DCAF17: variants seen among roughly 807,000 people sequenced by gnomAD.
The protein encoded by DCAF17 is DDB1 and CUL4 associated factor 17.
A neutral mutation model predicts 66.0 loss-of-function variants in DCAF17; 48 were observed. The ratio of observed to expected loss-of-function variants is 0.73; its 90% CI spans 0.58 to 0.92. DCAF17 has a LOEUF of 0.92. Ranked by LOEUF, DCAF17 falls within the 40% of genes least tolerant of loss-of-function variation. The probability of loss-of-function intolerance (pLI) is 0.00; values close to 1 mark genes in which losing one functional copy is unlikely to be tolerated. For synonymous variants in DCAF17, 206 were observed against 214.6 expected (o/e 0.96, Z 0.35); for missense variants, 562 against 622.8 (o/e 0.90, Z 1.04).
At chr2:171,448,916 C>A in intron 4 of DCAF17, 99 bp downstream of exon 4, 1 of 1,076,966 alleles carries the variant, frequency 9.3e-7, no homozygotes, top group Non-Finnish European at 1.4e-6. Context: ...GTTTTCTAAT[C>A]CATTACCAGA....
rs111986627 is a variant in DCAF17, at chr2:171,452,177, T to C, written c.538-947T>C. ...TTATTTGTTTTCTAACTTTTAGTTATAGCAGTTTTGATTGGTGTTTCCAGC... is the reference window on the plus strand; with the variant it reads ...TTATTTGTTTTCTAACTTTTAGTTACAGCAGTTTTGATTGGTGTTTCCAGC... On this transcript the variant is annotated intron_variant, in intron 5 of 13. Transcript: ENST00000375255. Among the ~76,000 whole-genome samples the C allele has an allele frequency of 3.3e-5, 5 of 152,192 alleles. No homozygotes were observed. In the South Asian group the frequency reaches 6.2e-4, roughly 19 times the overall value.
chr2:171,464,212 C>G (rs1333955939), intron 8 of DCAF17, among the ~76,000 whole-genome samples: 3 of 152,172 alleles, frequency 2.0e-5, no homozygotes, highest in Non-Finnish European at 4.4e-5. Flanking sequence ...TAGAGACTCT[C>G]AGTTTCCTAG....
At chr2:171,466,646 G>T (rs563502790) in intron 8 of DCAF17, among the ~76,000 whole-genome samples, 2 of 151,792 alleles carry the variant, frequency 1.3e-5, no homozygotes, top group African/African-American at 4.8e-5. Context: ...AGAGTTGTGG[G>T]CAGAGTAATA....
At chr2:171,479,154 A>G (rs1214721885) in intron 12 of DCAF17, among the ~76,000 whole-genome samples, 1 of 152,226 alleles carries the variant, frequency 6.6e-6, no homozygotes, top group Middle Eastern at 3.2e-3. Context: ...TAATAAATCC[A>G]TATAAATTTT....
intron 12 of DCAF17, among the ~76,000 whole-genome samples, chr2:171,479,298 C>CA (rs1696635196): frequency 6.6e-6 from 1 of 152,130 alleles, no homozygotes; most frequent in African/African-American, 2.4e-5. Context: ...GCCAGGCATT[C>CA]AGCCAAGATG....
chr2:171,437,290 A>AT (rs527797321), intron 2 of DCAF17, among the ~76,000 whole-genome samples: 541 of 151,940 alleles, frequency 3.6e-3, no homozygotes, highest in Non-Finnish European at 5.6e-3. Flanking sequence ...ATCCAACTCC[A>AT]TTTTTTTTAA....
chr2:171,439,917 G>A (rs1694208563), intron 2 of DCAF17, among the ~76,000 whole-genome samples: 2 of 152,034 alleles, frequency 1.3e-5, no homozygotes, highest in Non-Finnish European at 2.9e-5. Context: ...GTAACAGAGC[G>A]AGACTCAAAA....
intron 8 of DCAF17, among the ~76,000 whole-genome samples, chr2:171,467,736 A>G (rs113204019): frequency 8.4e-6 from 1 of 119,570 alleles, no homozygotes; most frequent in Non-Finnish European, 2.0e-5. Flanking sequence ...TCAAAAAAAA[A>G]AAAAAAAAAA....
At position 171,481,019 on chromosome 2, in the gene DCAF17, A is replaced by G. The variant is rs140422102; in HGVS notation, c.1468A>G (p.Ile490Val). The G allele has an allele frequency of 6.2e-6, 10 of 1,613,746 alleles. No individual in the cohort carries two copies. The African/African-American group carries it at 8.0e-5, about 13-fold the overall frequency. Residue 490 changes from isoleucine to valine, a missense_variant, in exon 14 of 14, where the codon ATA (isoleucine) becomes GTA (valine). Ile to Val is a conservative substitution (Grantham distance 29, BLOSUM62 3). Coordinates refer to ENST00000375255, the MANE Select transcript of DCAF17 (RefSeq NM_025000.4). ...VYFDRDLVLH[I>V]EQKPNRVFSC... ...CTTTGACAGAGACTTGGTGCTACAC[A>G]TAGAGCAGAAACCCAACAGAGTCTT...
intron 2 of DCAF17, among the ~76,000 whole-genome samples, chr2:171,438,931 G>A (rs1317065541): frequency 2.0e-5 from 2 of 100,496 alleles, no homozygotes; most frequent in Non-Finnish European, 4.4e-5. Flanking sequence ...TCTCAGTCGT[G>A]CTGTGTTGCC....
At chr2:171,449,499 A>G (rs1021704972) in intron 4 of DCAF17, among the ~76,000 whole-genome samples, 4 of 152,342 alleles carry the variant, frequency 2.6e-5, no homozygotes, top group Admixed American at 2.6e-4. Context: ...TATTTTAACT[A>G]TTAGTTTTAT....
rs1449114376 is a variant in DCAF17 at position 171,458,093 on chromosome 2, T to G, written c.732+18T>G. ...CTGAACAGGTAGAGAAAACTGAAAT[T>G]TGTCATGTTACTATTAGCATGAGTT... is the stretch of plus-strand genomic sequence containing the variant. On this transcript the variant is annotated intron_variant, in intron 7 of 13. Coordinates refer to ENST00000375255, the MANE Select transcript of DCAF17 (RefSeq NM_025000.4). 1 of 1,602,646 alleles carries G rather than the reference T, an allele frequency of 6.2e-7. No homozygotes were observed. The highest frequency in any genetic ancestry group is 8.5e-7 in the Non-Finnish European group (1 of 1,170,168).
At chr2:171,449,595 G>T (rs1324550185) in intron 4 of DCAF17, among the ~76,000 whole-genome samples, 1 of 152,098 alleles carries the variant, frequency 6.6e-6, no homozygotes, top group Non-Finnish European at 1.5e-5. Context: ...TTTTAAAGTA[G>T]AAATGATTAT....
At chr2:171,437,407 T>G (rs896998826) in intron 2 of DCAF17, among the ~76,000 whole-genome samples, 4 of 152,244 alleles carry the variant, frequency 2.6e-5, no homozygotes, top group African/African-American at 4.8e-5. Flanking sequence ...TAGACACTTT[T>G]GGATTTATTT....
At chr2:171,453,010 T>C (rs1410103175) in intron 5 of DCAF17, 114 bp from the exon 6 acceptor site, 1 of 640,460 alleles carries the variant, frequency 1.6e-6, no homozygotes, top group East Asian at 2.8e-5. Context: ...TTTCATAATA[T>C]GAAAATGTCT....
At chr2:171,455,430 A>G (rs910669089) in intron 6 of DCAF17, among the ~76,000 whole-genome samples, 1 of 152,222 alleles carries the variant, frequency 6.6e-6, no homozygotes, top group African/African-American at 2.4e-5. Flanking sequence ...GGTTGGTTCC[A>G]TGTCTTTGCT....
intron 10 of DCAF17, among the ~76,000 whole-genome samples, chr2:171,476,537 C>G (rs1574402871): frequency 1.3e-5 from 2 of 152,194 alleles, no homozygotes; most frequent in Non-Finnish European, 2.9e-5. Flanking sequence ...AGACCTGTTA[C>G]AGCATAGCAG....
rs985555336 is a variant in DCAF17, at chr2:171,483,771, A to G, written c.*2657A>G. The G allele has an allele frequency of 6.6e-6, 3 of 453,958 alleles. No individual in the cohort carries two copies. Among genetic ancestry groups the G allele is most frequent in the Non-Finnish European group, 1.3e-5 (3 of 226,800 alleles). The allele number at this position is 453,958 out of a possible 1,614,324, so 28.1% of individuals were successfully genotyped here. Reference sequence around the variant, plus strand: ...ACCACATGAAGTATGAACTGCCATTATCTTTCCCCTTTGTACAAATGAGGA... The same window carrying G: ...ACCACATGAAGTATGAACTGCCATTGTCTTTCCCCTTTGTACAAATGAGGA... On this transcript the variant is annotated 3_prime_UTR_variant, in exon 14 of 14. Coordinates refer to ENST00000375255, the MANE Select transcript of DCAF17 (RefSeq NM_025000.4).
At chr2:171,464,668 T>C (rs1695792790) in intron 8 of DCAF17, among the ~76,000 whole-genome samples, 1 of 152,226 alleles carries the variant, frequency 6.6e-6, no homozygotes, top group Non-Finnish European at 1.5e-5. Context: ...GATCTAGTTG[T>C]GTTCATTGCA....
Sources: gnomAD v4.1 joint callset for allele counts (sites outside exome capture counted in the v4.1 genomes callset) on GRCh38, gnomAD v4.1.1 for gene constraint, MANE v1.5 for transcripts, NCBI Gene and HGNC (gene_info 2026-07-23, HGNC 2026-07-21) for gene names.